KIAA1671: variants seen among roughly 807,000 people sequenced by gnomAD.
KIAA1671 encodes the protein KIAA1671.
A neutral mutation model predicts 131.2 loss-of-function variants in KIAA1671; 52 were observed. That is an observed-to-expected ratio of 0.40 (90% CI 0.32 to 0.50). The LOEUF (loss-of-function observed/expected upper bound fraction) is 0.50. Among genes scored for constraint, KIAA1671 ranks in the 20% least tolerant of loss-of-function variants. The probability of loss-of-function intolerance (pLI) is 0.73; values close to 1 mark genes in which losing one functional copy is unlikely to be tolerated. For missense variants in KIAA1671, 2,360 were observed against 2,364.2 expected, an observed-to-expected ratio of 1.00 and a Z score of 0.04; for synonymous variants, 1,003 against 961.6, an observed-to-expected ratio of 1.04 and a Z score of -0.80.
At chr22:25,046,019 G>T (rs1210901015) in intron 5 of KIAA1671, among the ~76,000 whole-genome samples, 1 of 152,068 alleles carries the variant, frequency 6.6e-6, no homozygotes. Context: ...AAACAGGGTT[G>T]TGCCGGGTGC....
chr22:24,970,365 G>T (rs1255419403), intron 1 of KIAA1671, among the ~76,000 whole-genome samples: 1 of 152,222 alleles, frequency 6.6e-6, no homozygotes, highest in African/African-American at 2.4e-5. Context: ...ATAGGGCAGG[G>T]CAGGTCATGG....
intron 10 of KIAA1671, among the ~76,000 whole-genome samples, chr22:25,183,461 CCTCT>C (rs1934362822): frequency 1.7e-5 from 2 of 118,400 alleles, no homozygotes; most frequent in South Asian, 3.2e-4. Context: ...TCCCTCCCTC[CCTCT>C]CTTCCTTCCT....
chr22:25,001,231 G>A (rs1446616222), intron 1 of KIAA1671, among the ~76,000 whole-genome samples: 3 of 16,478 alleles, frequency 1.8e-4, no homozygotes, highest in Non-Finnish European at 3.9e-4. Flanking sequence ...ATGTATGTGT[G>A]TGTATATGTG....
chr22:24,988,788 G>A (rs1052184326), intron 1 of KIAA1671, among the ~76,000 whole-genome samples: 2 of 150,128 alleles, frequency 1.3e-5, no homozygotes, highest in African/African-American at 4.9e-5. Context: ...TCTGAGAATT[G>A]TGGTCCGGTG....
At chr22:25,044,926 C>A (rs900033111) in intron 5 of KIAA1671, among the ~76,000 whole-genome samples, 1 of 152,034 alleles carries the variant, frequency 6.6e-6, no homozygotes, top group African/African-American at 2.4e-5. Context: ...TTTGGGAGGC[C>A]GAGGCGGGTG....
chr22:25,025,814 T>G (rs914554686), intron 2 of KIAA1671, 30 bp downstream of exon 2: 1 of 152,222 alleles, frequency 6.6e-6, no homozygotes, highest in Non-Finnish European at 1.5e-5. Context: ...GACCCAAGCT[T>G]GAGGGCTGGA....
rs1337650969 is a variant in KIAA1671, at chr22:25,177,474, C to A, written c.5026C>A (p.Pro1676Thr). The change falls in exon 9 of 13, where the codon CCT (proline) becomes ACT (threonine). Residue 1676 changes from proline (P) to threonine (T), a missense_variant. This residue lies in a region of KIAA1671 where 1,161 missense variants were observed against 1,204.7 expected (regional missense o/e 0.96). Coordinates refer to ENST00000358431, the MANE Select transcript of KIAA1671 (RefSeq NM_001145206.2). ...ATTTAGTGAGTCCGAGAGCAGATCA[C>A]CTTTGGAGGATGAGACTGACAACAC... ...SRFSESESRS[P>T]LEDETDNTWM... The A allele has an allele frequency of 1.3e-6, 2 of 1,551,726 alleles. No homozygotes were observed. The highest frequency in any genetic ancestry group is 2.0e-5 in the Admixed American group (1 of 51,008).
chr22:25,165,456 A>G (rs948107673), intron 6 of KIAA1671, among the ~76,000 whole-genome samples: 1 of 152,212 alleles, frequency 6.6e-6, no homozygotes, highest in African/African-American at 2.4e-5. Flanking sequence ...TATACTGTGG[A>G]AAGTTCTACA....
intron 6 of KIAA1671, among the ~76,000 whole-genome samples, chr22:25,105,617 C>G (rs908109854): frequency 6.6e-6 from 1 of 152,120 alleles, no homozygotes; most frequent in Non-Finnish European, 1.5e-5. Context: ...ACTTGCAGAC[C>G]GCTCTGTACC....
At chr22:25,122,974 C>T (rs1014128786) in intron 6 of KIAA1671, among the ~76,000 whole-genome samples, 2 of 151,340 alleles carry the variant, frequency 1.3e-5, no homozygotes, top group Non-Finnish European at 2.9e-5. Context: ...GACTCCATCT[C>T]ACAAAAAAAA....
At chr22:25,105,819 TGG>T (rs3062983) in intron 6 of KIAA1671, among the ~76,000 whole-genome samples, 44,554 of 137,464 alleles carry the variant, frequency 0.32, 7,576 homozygotes, top group East Asian at 0.49. Flanking sequence ...GGTATGAAGT[TGG>T]GGGGGGGGGG....
rs1926809913 is a variant in KIAA1671 at position 25,039,760 on chromosome 22, G to A, written c.2630G>A (p.Gly877Asp). The change falls in exon 5 of 13, where the codon GGC becomes GAC. Residue 877 changes from glycine to aspartate, a missense_variant. Transcript: ENST00000358431. ...AGCAAGCCAGGAGTGGGAGCAAGGG[G>A]CCCACCCCAGGGATGCCCCCTCGAT... ...ARSKPGVGARGPPQGCPLDPL... is the reference protein window; with the variant it reads ...ARSKPGVGARDPPQGCPLDPL... 2.0e-6 allele frequency: 3 copies of A among 1,496,350 alleles called. No homozygotes were observed. The highest frequency in any genetic ancestry group is 1.4e-5 in the African/African-American group (1 of 71,696). 92.7% of individuals were successfully genotyped at this position (1,496,350 alleles called of 1,614,324 possible).
chr22:24,971,135 T>C (rs1321990817), intron 1 of KIAA1671, among the ~76,000 whole-genome samples: 1 of 152,184 alleles, frequency 6.6e-6, no homozygotes. Context: ...TTTGTATTTT[T>C]AGTAGAGACG....
In KIAA1671 at chr22:25,093,782, C is replaced by CTCTCTG. The variant is rs1568951248; in HGVS notation, c.4530+44423_4530+44424insGTCTCT. 6.3e-4 allele frequency among the ~76,000 whole-genome samples: 80 copies of CTCTCTG among 127,022 alleles called. 10 individuals carry two copies. The highest frequency in any genetic ancestry group is 2.1e-3 in the South Asian group (8 of 3,748). 83.3% of individuals were successfully genotyped at this position (127,022 alleles called of 152,430 possible). On this transcript the variant is annotated intron_variant, in intron 6 of 12. Transcript: ENST00000358431. ...TCTCTCTCTCTGTCTCTCTCTCTCTCTCTCTCTCTCTCTCTCTCTCTCTCT... is the reference window on the plus strand; with the variant it reads ...TCTCTCTCTCTGTCTCTCTCTCTCTCTCTCTGTCTCTCTCTCTCTCTCTCTCTCTCT...
At position 25,170,920 on chromosome 22, in the gene KIAA1671, A is replaced by C; in HGVS notation, c.4631A>C (p.Gln1544Pro). ...AGCCAGTATGGGACGTGGACAGAGC[A>C]GTGCCAGAGTGGGGAGAGGTAGGAC... ...AGSQYGTWTE[Q>P]CQSGESLATE... The change falls in exon 7 of 13, where the codon CAG becomes CCG. Residue 1544 changes from glutamine (Q) to proline (P), a missense_variant. This residue lies in a region of KIAA1671 where 1,161 missense variants were observed against 1,204.7 expected (regional missense o/e 0.96). Coordinates refer to ENST00000358431, the MANE Select transcript of KIAA1671 (RefSeq NM_001145206.2). 1 of 1,551,652 alleles carries C rather than the reference A, an allele frequency of 6.4e-7. No individual in the cohort carries two copies. Among genetic ancestry groups the C allele is most frequent in the Admixed American group, 2.0e-5 (1 of 50,972 alleles).
At chr22:24,960,542 G>A (rs1239395516) in intron 1 of KIAA1671, among the ~76,000 whole-genome samples, 4 of 120,458 alleles carry the variant, frequency 3.3e-5, no homozygotes, top group Admixed American at 1.8e-4. Context: ...GCAAGACTCC[G>A]TCTCAAAAAA....
intron 6 of KIAA1671, among the ~76,000 whole-genome samples, chr22:25,118,728 T>A (rs1931797771): frequency 6.6e-6 from 1 of 152,144 alleles, no homozygotes; most frequent in Admixed American, 6.5e-5. Context: ...CAGACTTAGA[T>A]GCCCAGTTTT....
chr22:25,133,342 C>T (rs992071792), intron 6 of KIAA1671, among the ~76,000 whole-genome samples: 2 of 152,112 alleles, frequency 1.3e-5, no homozygotes, highest in African/African-American at 4.8e-5. Flanking sequence ...AAATGTGCCT[C>T]TAACTGGAAG....
At position 25,195,407 on chromosome 22, in the gene KIAA1671, G is replaced by T. The variant is rs1177860372; in HGVS notation, c.*3006G>T. 1 of 152,182 alleles carries T rather than the reference G, an allele frequency of 6.6e-6. No individual in the cohort carries two copies. The highest frequency in any genetic ancestry group is 1.5e-5 in the Non-Finnish European group (1 of 68,040). 9.4% of individuals were successfully genotyped at this position (152,182 alleles called of 1,614,324 possible). A position where few individuals can be genotyped will look rare whatever the true frequency, so the allele number is the denominator to read the frequency against. Reference sequence around the variant, plus strand: ...GAAACTCTGGTGAAAGAGAAACCTCGTGGTCTTTAGGATGTTGGGATTTTG... The same window carrying T: ...GAAACTCTGGTGAAAGAGAAACCTCTTGGTCTTTAGGATGTTGGGATTTTG... On this transcript the variant is annotated 3_prime_UTR_variant, in exon 13 of 13. Coordinates refer to ENST00000358431, the MANE Select transcript of KIAA1671 (RefSeq NM_001145206.2).
Sources: gnomAD v4.1 joint callset for allele counts (sites outside exome capture counted in the v4.1 genomes callset) on GRCh38, gnomAD v4.1.1 for gene constraint, gnomAD v4.1.1 regional missense constraint, MANE v1.5 for transcripts, NCBI Gene and HGNC (gene_info 2026-07-23, HGNC 2026-07-21) for gene names.